Variants in ERC2 observed in about 807,000 individuals in gnomAD.
The protein encoded by ERC2 is ERC protein 2.
Under a neutral mutation model 114.8 loss-of-function variants are expected in ERC2, and 42 were observed. The observed-to-expected ratio is 0.37, with a 90% CI of 0.29 to 0.47. The LOEUF (loss-of-function observed/expected upper bound fraction) is 0.47. Ranked by LOEUF, ERC2 falls within the 20% of genes least tolerant of loss-of-function variation. ERC2 has a pLI of 0.99. For synonymous variants in ERC2, 454 were observed against 425.5 expected, an observed-to-expected ratio of 1.07 and a Z score of -0.82; for missense variants, 939 against 1,150.7, an observed-to-expected ratio of 0.82 and a Z score of 2.66.
intron 17 of ERC2, among the ~76,000 whole-genome samples, chr3:55,628,960 T>TACGAGGAATTTTTTAC (rs1553729643): frequency 8.5e-5 from 13 of 152,112 alleles, no homozygotes; most frequent in African/African-American, 3.1e-4. Context: ...ACCTTTCTTA[T>TACGAGGAATTTTTTAC]ATGAATGAAG....
intron 12 of ERC2, among the ~76,000 whole-genome samples, chr3:55,969,392 TACACACACACACACAC>T (rs10555030): frequency 5.7e-5 from 8 of 140,602 alleles, no homozygotes; most frequent in East Asian, 2.1e-4. Flanking sequence ...TTTATACACA[TACACACACACACACAC>T]ACACACACAC....
intron 3 of ERC2, among the ~76,000 whole-genome samples, chr3:56,211,016 T>C (rs1345552466): frequency 3.3e-5 from 5 of 152,152 alleles, no homozygotes; most frequent in Non-Finnish European, 7.4e-5. Flanking sequence ...ATTACAATAG[T>C]TGCTAGACTT....
At chr3:55,542,104 G>T (rs575347179) in intron 17 of ERC2, among the ~76,000 whole-genome samples, 1 of 152,136 alleles carries the variant, frequency 6.6e-6, no homozygotes, top group African/African-American at 2.4e-5. Flanking sequence ...ATCTAAGATC[G>T]CAGGATTTAT....
At chr3:55,544,657 G>T in intron 17 of ERC2, among the ~76,000 whole-genome samples, 1 of 152,210 alleles carries the variant, frequency 6.6e-6, no homozygotes, top group East Asian at 1.9e-4. Context: ...ATTCCTTGAA[G>T]AATTCAGCAT....
At chr3:55,654,623 C>T (rs151230703) in intron 17 of ERC2, among the ~76,000 whole-genome samples, 1 of 152,336 alleles carries the variant, frequency 6.6e-6, no homozygotes, top group African/African-American at 2.4e-5. Flanking sequence ...CTGTAATTGA[C>T]AGGCAGAGCC....
In ERC2 at chr3:55,800,870, C is replaced by T. The variant is rs2070993690; in HGVS notation, c.2565-65952G>A. On this transcript the variant is annotated intron_variant, in intron 14 of 17. Coordinates refer to ENST00000288221, the MANE Select transcript of ERC2 (RefSeq NM_015576.3). ...GTCAGCACATTTATTTCCCTGGTTC[C>T]CTCCCAGTAAGTTCACCTCAGACTG... Among the ~76,000 whole-genome samples, 3 of 152,092 alleles carry T rather than the reference C, an allele frequency of 2.0e-5. No homozygotes were observed. In the South Asian group the frequency reaches 6.2e-4, roughly 32 times the overall value.
intron 2 of ERC2, among the ~76,000 whole-genome samples, chr3:56,397,351 A>T (rs1177075211): frequency 1.2e-5 from 1 of 80,738 alleles, no homozygotes; most frequent in Non-Finnish European, 3.1e-5. Flanking sequence ...TCTGTCTTAA[A>T]AAAAAAAAAA....
intron 14 of ERC2, among the ~76,000 whole-genome samples, chr3:55,830,081 T>C (rs1363418543): frequency 1.3e-5 from 2 of 152,038 alleles, no homozygotes. Flanking sequence ...AAAATAGGCT[T>C]CAAAGCAGTT....
intron 14 of ERC2, among the ~76,000 whole-genome samples, chr3:55,760,696 G>A (rs1037073615): frequency 1.1e-4 from 16 of 152,186 alleles, no homozygotes; most frequent in African/African-American, 3.6e-4. Context: ...TCCACGGGGT[G>A]TCTCTGCTAG....
intron 6 of ERC2, among the ~76,000 whole-genome samples, chr3:56,124,690 G>A (rs1020723847): frequency 6.6e-6 from 1 of 152,204 alleles, no homozygotes; most frequent in African/African-American, 2.4e-5. Flanking sequence ...GTTGAGTACT[G>A]TGCTAAGGCA....
intron 17 of ERC2, among the ~76,000 whole-genome samples, chr3:55,656,613 A>G (rs1024476832): frequency 6.6e-6 from 1 of 152,250 alleles, no homozygotes; most frequent in Non-Finnish European, 1.5e-5. Context: ...ATTACAAAAT[A>G]GAGACCTTGT....
intron 14 of ERC2, among the ~76,000 whole-genome samples, chr3:55,751,008 C>A (rs926783853): frequency 6.6e-6 from 1 of 152,162 alleles, no homozygotes; most frequent in African/African-American, 2.4e-5. Flanking sequence ...ATTAGGTTAG[C>A]AAGCATATGT....
At chr3:55,955,903 C>T (rs544886105) in intron 12 of ERC2, among the ~76,000 whole-genome samples, 7 of 152,302 alleles carry the variant, frequency 4.6e-5, no homozygotes, top group South Asian at 4.1e-4. Flanking sequence ...TTTCTAGCTG[C>T]GTGGCCGTGG....
chr3:56,274,517 A>G (rs916821969), intron 3 of ERC2, among the ~76,000 whole-genome samples: 1 of 152,126 alleles, frequency 6.6e-6, no homozygotes, highest in Non-Finnish European at 1.5e-5. Context: ...TTTGGTTGAA[A>G]AAAAAAATCC....
chr3:55,570,005 T>G (rs1034287587), intron 17 of ERC2, among the ~76,000 whole-genome samples: 1 of 151,964 alleles, frequency 6.6e-6, no homozygotes, highest in African/African-American at 2.4e-5. Context: ...ATTACAGGTG[T>G]GTACCACCAT....
chr3:55,988,796 T>C (rs1456459335), intron 11 of ERC2, among the ~76,000 whole-genome samples: 1 of 152,362 alleles, frequency 6.6e-6, no homozygotes, highest in Non-Finnish European at 1.5e-5. Flanking sequence ...AAAATGGAGA[T>C]ACATGTCACA....
At chr3:55,712,594 C>A (rs1002648260) in intron 15 of ERC2, among the ~76,000 whole-genome samples, 1 of 152,180 alleles carries the variant, frequency 6.6e-6, no homozygotes, top group African/African-American at 2.4e-5. Context: ...AACAAGACTT[C>A]TCTTTGTAGC....
chr3:55,550,832 C>G (rs192660030), intron 17 of ERC2, among the ~76,000 whole-genome samples: 1 of 151,796 alleles, frequency 6.6e-6, no homozygotes, highest in African/African-American at 2.4e-5. Flanking sequence ...CTGGCTAACA[C>G]GGTGAAACCC....
At chr3:56,063,820 A>C (rs1321522563) in intron 7 of ERC2, among the ~76,000 whole-genome samples, 1 of 152,236 alleles carries the variant, frequency 6.6e-6, no homozygotes, top group African/African-American at 2.4e-5. Flanking sequence ...GTGGGAAAAT[A>C]GGCATTTTCT....
Sources: gnomAD v4.1 joint callset for allele counts (sites outside exome capture counted in the v4.1 genomes callset) on GRCh38, gnomAD v4.1.1 for gene constraint, MANE v1.5 for transcripts, NCBI Gene and HGNC (gene_info 2026-07-23, HGNC 2026-07-21) for gene names.